The following RANBP17 variants were observed in gnomAD, a reference collection of about 807,000 sequenced individuals.
RANBP17 encodes RAN binding protein 17.
A neutral mutation model predicts 141.2 loss-of-function variants in RANBP17; 158 were observed. The ratio of observed to expected loss-of-function variants is 1.12; its 90% CI spans 0.98 to 1.28. RANBP17 has a LOEUF of 1.28. Ranked by LOEUF, RANBP17 falls within the 50% of genes most tolerant of loss-of-function variation. The probability of loss-of-function intolerance (pLI) is 0.00; values close to 1 mark genes in which losing one functional copy is unlikely to be tolerated. For synonymous variants in RANBP17, 430 were observed against 450.0 expected (o/e 0.96, Z 0.56); for missense variants, 1,438 against 1,290.7 (o/e 1.11, Z -1.75).
intron 24 of RANBP17, among the ~76,000 whole-genome samples, chr5:171,251,674 C>G (rs765194803): frequency 6.6e-6 from 1 of 152,080 alleles, no homozygotes; most frequent in African/African-American, 2.4e-5. Context: ...AAGGCAGTGG[C>G]GGCCCAGCGG....
intron 14 of RANBP17, among the ~76,000 whole-genome samples, chr5:171,074,503 A>G (rs973077422): frequency 4.6e-5 from 7 of 152,226 alleles, no homozygotes; most frequent in Non-Finnish European, 1.0e-4. Context: ...TAATCATTTA[A>G]TTTTGACAAA....
intron 14 of RANBP17, among the ~76,000 whole-genome samples, chr5:171,127,790 G>A (rs909509148): frequency 6.6e-6 from 1 of 152,162 alleles, no homozygotes; most frequent in African/African-American, 2.4e-5. Flanking sequence ...TAGAAAAATA[G>A]TATAGAGGTT....
At chr5:171,009,186 T>G (rs1259672067) in intron 14 of RANBP17, among the ~76,000 whole-genome samples, 1 of 152,208 alleles carries the variant, frequency 6.6e-6, no homozygotes, top group Non-Finnish European at 1.5e-5. Context: ...TCAGTGCCAA[T>G]CTTTATCACT....
intron 21 of RANBP17, among the ~76,000 whole-genome samples, chr5:171,216,153 TAGG>T (rs1161991810): frequency 6.6e-6 from 1 of 152,216 alleles, no homozygotes; most frequent in African/African-American, 2.4e-5. Flanking sequence ...ATTTATTAAA[TAGG>T]AGATTTTTTC....
intron 13 of RANBP17, among the ~76,000 whole-genome samples, chr5:170,954,846 A>T (rs1581230235): frequency 1.3e-5 from 2 of 152,160 alleles, no homozygotes; most frequent in South Asian, 4.1e-4. Context: ...CTGAAAAAGG[A>T]CCAATGTATC....
intron 14 of RANBP17, among the ~76,000 whole-genome samples, chr5:171,107,709 A>G (rs189436989): frequency 4.9e-4 from 74 of 152,350 alleles, no homozygotes; most frequent in African/African-American, 1.4e-3. Flanking sequence ...ATTGATTTCT[A>G]TATTTATTAG....
chr5:171,118,972 G>T (rs1755831925), intron 14 of RANBP17, among the ~76,000 whole-genome samples: 1 of 152,140 alleles, frequency 6.6e-6, no homozygotes, highest in Admixed American at 6.5e-5. Flanking sequence ...GAATAAGAGT[G>T]AGAGTGGAAA....
intron 12 of RANBP17, among the ~76,000 whole-genome samples, chr5:170,928,287 A>G (rs1048784094): frequency 6.6e-5 from 10 of 152,118 alleles, no homozygotes; most frequent in Non-Finnish European, 8.8e-5. Flanking sequence ...ATGTTTTACA[A>G]ATATTTCCTC....
At chr5:170,993,593 C>T (rs1778640497) in intron 14 of RANBP17, among the ~76,000 whole-genome samples, 1 of 151,930 alleles carries the variant, frequency 6.6e-6, no homozygotes, top group African/African-American at 2.4e-5. Context: ...AATAATGGTA[C>T]CTATGTTTTA....
intron 14 of RANBP17, among the ~76,000 whole-genome samples, chr5:170,984,120 G>T (rs1777954299): frequency 6.6e-6 from 1 of 152,112 alleles, no homozygotes; most frequent in South Asian, 2.1e-4. Flanking sequence ...GTCTGGGAAA[G>T]CAGACACATA....
At chr5:170,911,510 G>C (rs1450537534) in intron 7 of RANBP17, 6 of 679,046 alleles carry the variant, frequency 8.8e-6, no homozygotes, top group East Asian at 2.8e-5. Flanking sequence ...TTCAGGATCA[G>C]TGTTAGCAAA....
chr5:170,995,300 A>G (rs1240219349), intron 14 of RANBP17, among the ~76,000 whole-genome samples: 6 of 152,070 alleles, frequency 3.9e-5, no homozygotes, highest in Admixed American at 1.3e-4. Context: ...GTCAATTAGC[A>G]TGTATTTTCT....
chr5:170,968,799 A>G (rs2127530611), intron 14 of RANBP17: 1 of 447,630 alleles, frequency 2.2e-6, no homozygotes, highest in South Asian at 1.6e-5. Flanking sequence ...GGACTAGGAA[A>G]ATTAGATGTG....
At chr5:171,012,917 C>T (rs1217505300) in intron 14 of RANBP17, among the ~76,000 whole-genome samples, 2 of 152,132 alleles carry the variant, frequency 1.3e-5, no homozygotes, top group Non-Finnish European at 2.9e-5. Flanking sequence ...ATTTTAATTT[C>T]TCCTGTCGTG....
At chr5:171,166,015 G>A (rs376565997) in intron 14 of RANBP17, among the ~76,000 whole-genome samples, 4 of 151,956 alleles carry the variant, frequency 2.6e-5, no homozygotes, top group South Asian at 2.1e-4. Flanking sequence ...ATATGAAATG[G>A]GATTGACCAA....
intron 14 of RANBP17, among the ~76,000 whole-genome samples, chr5:171,157,420 T>G (rs536292495): frequency 6.6e-6 from 1 of 152,226 alleles, no homozygotes; most frequent in Non-Finnish European, 1.5e-5. Flanking sequence ...GTTTTTGATA[T>G]TACATCATTT....
intron 14 of RANBP17, among the ~76,000 whole-genome samples, chr5:171,121,809 G>A (rs1756056164): frequency 6.6e-6 from 1 of 152,146 alleles, no homozygotes; most frequent in African/African-American, 2.4e-5. Context: ...AAGTGCAATA[G>A]TTACTCACCC....
chr5:170,924,777 G>A, intron 12 of RANBP17: 1 of 346,888 alleles, frequency 2.9e-6, no homozygotes, highest in Admixed American at 4.3e-5. Flanking sequence ...CTTCTCTCTG[G>A]AATCAATATG....
At chr5:171,215,728 C>T (rs1474380297) in intron 21 of RANBP17, among the ~76,000 whole-genome samples, 6 of 152,244 alleles carry the variant, frequency 3.9e-5, no homozygotes, top group African/African-American at 1.4e-4. Context: ...TGTTTATATC[C>T]TGTGCCCACT....
Sources: gnomAD v4.1 joint callset for allele counts (sites outside exome capture counted in the v4.1 genomes callset) on GRCh38, gnomAD v4.1.1 for gene constraint, MANE v1.5 for transcripts, NCBI Gene and HGNC (gene_info 2026-07-23, HGNC 2026-07-21) for gene names.